The following RLN1 variants were observed in gnomAD, a reference collection of about 807,000 sequenced individuals.
The protein encoded by RLN1 is prorelaxin H1.
RLN1 carries 4 observed loss-of-function variants against 7.2 expected under a neutral mutation model. That is an observed-to-expected ratio of 0.56 (90% confidence interval 0.28 to 1.28). RLN1 has a LOEUF of 1.28. Ranked by LOEUF, RLN1 falls within the 50% of genes most tolerant of loss-of-function variation. The probability of loss-of-function intolerance (pLI) is 0.11; values close to 1 mark genes in which losing one functional copy is unlikely to be tolerated. For missense variants in RLN1, 293 were observed against 221.1 expected, an observed-to-expected ratio of 1.32 and a Z score of -2.06; for synonymous variants, 105 against 86.0, an observed-to-expected ratio of 1.22 and a Z score of -1.22.
At chr9:5,340,459 T>C (rs1816968831), upstream of RLN1, among the ~76,000 whole-genome samples, 1 of 152,170 alleles carries the variant, frequency 6.6e-6, no homozygotes, top group Non-Finnish European at 1.5e-5. Flanking sequence ...TAACTAGTTG[T>C]CTAAATATTT....
In RLN1 at chr9:5,335,413, A is replaced by C. The variant is rs1586674803; in HGVS notation, c.396T>G (p.Leu132=). The part of the protein sequence containing the change: ...SNLSFEEFKK[L]IRNRQSEAAD... ...CGGCTTCACTTTGCCTATTGCGAAT[A>C]AGTTTCTTAAATTCTTCAAAGCTAA... The change falls in exon 2 of 2, where the codon CTT becomes CTG. Residue 132 remains leucine (L), a synonymous_variant. Transcript: ENST00000223862. 1 of 1,613,730 alleles carries C rather than the reference A, an allele frequency of 6.2e-7. No individual in the cohort carries two copies. The highest frequency in any genetic ancestry group is 2.2e-5 in the East Asian group (1 of 44,862).
At chr9:5,337,713 G>C (rs949122174) in intron 1 of RLN1, among the ~76,000 whole-genome samples, 2 of 151,874 alleles carry the variant, frequency 1.3e-5, no homozygotes, top group Admixed American at 6.6e-5. Context: ...TTAATCCCAC[G>C]TGCAGGCAAT....
chr9:5,335,534 G>C lies in RLN1; in HGVS notation c.275C>G (p.Ala92Gly). ...ETIIIMLEFI[A>G]NLPPELKAAL... is the part of the protein sequence containing the mutation. The stretch of plus-strand genomic sequence containing the variant: ...TGCCTTCAGCTCCGGTGGCAAATTA[G>C]CAATGAATTCCAACATGATAATTAT... Residue 92 changes from alanine to glycine, a missense_variant, in exon 2 of 2, where the codon GCT becomes GGT. Ala to Gly is a moderately conservative substitution (Grantham distance 60). Transcript: ENST00000223862. The C allele has an allele frequency of 6.2e-7, 1 of 1,612,958 alleles. No homozygotes were observed. Among genetic ancestry groups the C allele is most frequent in the Non-Finnish European group, 8.5e-7 (1 of 1,179,322 alleles).
rs1816858130 is a variant in RLN1 at position 5,335,121 on chromosome 9, A to G, written c.*130T>C. On this transcript the variant is annotated 3_prime_UTR_variant, in exon 2 of 2. Coordinates refer to ENST00000223862, the MANE Select transcript of RLN1 (RefSeq NM_006911.4). ...ACAAAGAATATTTTCTTACACACCAAATGAAAAATCTAAACATTAATAAAG... is the reference window on the plus strand; with the variant it reads ...ACAAAGAATATTTTCTTACACACCAGATGAAAAATCTAAACATTAATAAAG... The G allele has an allele frequency of 9.0e-6, 5 of 554,868 alleles. No homozygotes were observed. The highest frequency in any genetic ancestry group is 1.5e-5 in the Non-Finnish European group (5 of 327,748). The allele number at this position is 554,868 out of a possible 1,614,324, so 34.4% of individuals were successfully genotyped here.
At position 5,334,996 on chromosome 9, in the gene RLN1, T is replaced by C. The variant is rs1816856510; in HGVS notation, c.*255A>G. ...AGTGGCAAAGGTTTTATTGTAATTT[T>C]AAGTTAACAGCATTAAAAAGAATCA... On this transcript the variant is annotated 3_prime_UTR_variant, in exon 2 of 2. Transcript: ENST00000223862. 2.9e-6 allele frequency: 1 copy of C among 347,838 alleles called. No homozygotes were observed. Among genetic ancestry groups the C allele is most frequent in the Non-Finnish European group, 5.1e-6 (1 of 195,650 alleles). 21.5% of individuals were successfully genotyped at this position (347,838 alleles called of 1,614,324 possible).
At chr9:5,336,780 AAAAG>A (rs1246808420) in intron 1 of RLN1, among the ~76,000 whole-genome samples, 3 of 151,970 alleles carry the variant, frequency 2.0e-5, no homozygotes, top group East Asian at 1.9e-4. Context: ...TGAAATAATG[AAAAG>A]AAAGAGAAGA....
Position 5,335,389 on chromosome 9 carries a change from G to T in RLN1, c.420C>A (p.Ala140=). 6.2e-7 allele frequency: 1 copy of T among 1,613,552 alleles called. No homozygotes were observed. ...TTAATTCTGAAGGATTGCTGTCTGC[G>T]GCTTCACTTTGCCTATTGCGAATAA... is the stretch of plus-strand genomic sequence containing the variant. The part of the protein sequence containing the change: ...KKLIRNRQSE[A]ADSNPSELKY... Residue 140 remains alanine (A), a synonymous_variant, in exon 2 of 2, where the codon GCC becomes GCA. Coordinates refer to ENST00000223862, the MANE Select transcript of RLN1 (RefSeq NM_006911.4).
Position 5,339,615 on chromosome 9 carries a change from A to G in RLN1, c.132T>C (p.Ile44=), listed in dbSNP as rs1274652006. The part of the protein sequence containing the change: ...LCGRELVRAQ[I]AICGMSTWSK... ...TCCAGGTGCTCATGCCGCAAATGGC[A>G]ATCTGCGCGCGAACTAATTCGCGGC... The change falls in exon 1 of 2, where the codon ATT becomes ATC. Residue 44 remains isoleucine (I), a synonymous_variant. Transcript: ENST00000223862. 2 of 1,612,134 alleles carry G rather than the reference A, an allele frequency of 1.2e-6. No individual in the cohort carries two copies. The highest frequency in any genetic ancestry group is 8.5e-7 in the Non-Finnish European group (1 of 1,179,942).
chr9:5,336,884 C>G (rs1395535969), intron 1 of RLN1, among the ~76,000 whole-genome samples: 2 of 151,920 alleles, frequency 1.3e-5, no homozygotes. Flanking sequence ...ACCTAGACAG[C>G]GGTAGTTCTG....
rs376123445 is a variant in RLN1, at chr9:5,335,729, A to T, written c.212-132T>A. On this transcript the variant is annotated intron_variant, in intron 1 of 1. Transcript: ENST00000223862. The stretch of plus-strand genomic sequence containing the variant: ...ATATAAATTAAACATTGAAACACAA[A>T]AGCATCCTAATATCTAAACACTTAG... 25 of 628,472 alleles carry T rather than the reference A, an allele frequency of 4.0e-5. No homozygotes were observed. In the East Asian group the frequency reaches 4.7e-4, roughly 12 times the overall value. 38.9% of individuals were successfully genotyped at this position (628,472 alleles called of 1,614,324 possible). A position where few individuals can be genotyped will look rare whatever the true frequency, so the allele number is the denominator to read the frequency against.
At position 5,334,939 on chromosome 9, in the gene RLN1, T is replaced by C. The variant is rs2131028618; in HGVS notation, c.*312A>G. Reference sequence around the variant, plus strand: ...TTTGGTCCACCTCATGTAACTGTTGTTAGGTACTGTATTGTTATTATGTAT... The same window carrying C: ...TTTGGTCCACCTCATGTAACTGTTGCTAGGTACTGTATTGTTATTATGTAT... On this transcript the variant is annotated 3_prime_UTR_variant, in exon 2 of 2. Coordinates refer to ENST00000223862, the MANE Select transcript of RLN1 (RefSeq NM_006911.4). The C allele has an allele frequency of 4.7e-6, 1 of 212,654 alleles. No homozygotes were observed. The highest frequency in any genetic ancestry group is 1.7e-3 in the Middle Eastern group (1 of 602). 13.2% of individuals were successfully genotyped at this position (212,654 alleles called of 1,614,324 possible).
Position 5,335,420 on chromosome 9 carries a change from T to G in RLN1, c.389A>C (p.Lys130Thr). Residue 130 changes from lysine to threonine, a missense_variant, in exon 2 of 2, where the codon AAG becomes ACG. By Grantham distance (78) the Lys-to-Thr change is moderately conservative. Transcript: ENST00000223862. ...ACTTTGCCTATTGCGAATAAGTTTC[T>G]TAAATTCTTCAAAGCTAAGATTGGA... is the stretch of plus-strand genomic sequence containing the variant. Reference protein sequence around the residue: ...KDSNLSFEEFKKLIRNRQSEA... With the variant: ...KDSNLSFEEFTKLIRNRQSEA... 1 of 1,613,752 alleles carries G rather than the reference T, an allele frequency of 6.2e-7. No individual in the cohort carries two copies. The highest frequency in any genetic ancestry group is 8.5e-7 in the Non-Finnish European group (1 of 1,179,810).
At position 5,335,408 on chromosome 9, in the gene RLN1, C is replaced by T. The variant is rs145563561; in HGVS notation, c.401G>A (p.Arg134His). Residue 134 changes from arginine (R) to histidine (H), a missense_variant, in exon 2 of 2, where the codon CGC (arginine) becomes CAC (histidine). Arg to His is a conservative substitution (Grantham distance 29). Transcript: ENST00000223862. ...GTCTGCGGCTTCACTTTGCCTATTG[C>T]GAATAAGTTTCTTAAATTCTTCAAA... is the stretch of plus-strand genomic sequence containing the variant. ...LSFEEFKKLIRNRQSEAADSN... is the reference protein window; with the variant it reads ...LSFEEFKKLIHNRQSEAADSN... 3.8e-5 allele frequency: 62 copies of T among 1,613,456 alleles called. No individual in the cohort carries two copies. The African/African-American group carries it at 5.2e-4, about 14-fold the overall frequency.
At chr9:5,339,934 C>G (rs1816958454), upstream of RLN1, 5 of 615,486 alleles carry the variant, frequency 8.1e-6, no homozygotes, top group Non-Finnish European at 1.2e-5. Flanking sequence ...CACCCCTTTC[C>G]CACACCCCTC....
intron 1 of RLN1, 131 bp from the exon 2 acceptor site, chr9:5,335,728 A>G (rs918310536): frequency 3.2e-6 from 2 of 629,106 alleles, no homozygotes; most frequent in African/African-American, 3.7e-5. Context: ...TTGAAACACA[A>G]AAGCATCCTA....
Position 5,339,582 on chromosome 9 carries a change from C to G in RLN1, c.165G>C (p.Arg55Ser), listed in dbSNP as rs753065965. 2.4e-5 allele frequency: 39 copies of G among 1,608,678 alleles called. No individual in the cohort carries two copies. Among genetic ancestry groups the G allele is most frequent in the Non-Finnish European group, 2.9e-5 (34 of 1,178,878 alleles). The change falls in exon 1 of 2, where the codon AGG (arginine) becomes AGC (serine). Residue 55 changes from arginine to serine, a missense_variant. Arg to Ser is a moderately radical substitution (Grantham distance 110, BLOSUM62 -1). Transcript: ENST00000223862. Reference sequence around the variant, plus strand: ...GAGGAGCATCTTCCTGGCTCAGAGACCTTTTGCTCCAGGTGCTCATGCCGC... The same window carrying G: ...GAGGAGCATCTTCCTGGCTCAGAGAGCTTTTGCTCCAGGTGCTCATGCCGC... ...AICGMSTWSK[R>S]SLSQEDAPQT...
In RLN1 at chr9:5,335,617, A is replaced by G; in HGVS notation, c.212-20T>C. ...CAATTTCTGTTAAGTTTAAAAAAAA[A>G]GTGTATGTGAAGGCGTATTCACGTC... On this transcript the variant is annotated intron_variant, in intron 1 of 1. Transcript: ENST00000223862. 6.6e-7 allele frequency: 1 copy of G among 1,526,602 alleles called. No homozygotes were observed. The highest frequency in any genetic ancestry group is 9.0e-7 in the Non-Finnish European group (1 of 1,111,354). The allele number at this position is 1,526,602 out of a possible 1,614,324, so 94.6% of individuals were successfully genotyped here. A position where few individuals can be genotyped will look rare whatever the true frequency, so the allele number is the denominator to read the frequency against.
chr9:5,339,694 T>A lies in RLN1; in HGVS notation c.53A>T (p.Gln18Leu). The A allele has an allele frequency of 6.2e-7, 1 of 1,613,276 alleles. No homozygotes were observed. The highest frequency in any genetic ancestry group is 8.5e-7 in the Non-Finnish European group (1 of 1,180,020). ...HLLEFCLLLN[Q>L]FSRAVAAKWK... ...TTTGGCCGCGACTGCTCTGGAAAAT[T>A]GGTTCAGTAGTAAACAGAATTCTAG... is the stretch of plus-strand genomic sequence containing the variant. Residue 18 changes from glutamine (Q) to leucine (L), a missense_variant, in exon 1 of 2, where the codon CAA (glutamine) becomes CTA (leucine). Coordinates refer to ENST00000223862, the MANE Select transcript of RLN1 (RefSeq NM_006911.4).
Position 5,339,625 on chromosome 9 carries a change from C to G in RLN1, c.122G>C (p.Arg41Pro). The change falls in exon 1 of 2, where the codon CGC becomes CCC. Residue 41 changes from arginine (R) to proline (P), a missense_variant. Arg to Pro is a moderately radical substitution (Grantham distance 103). Coordinates refer to ENST00000223862, the MANE Select transcript of RLN1 (RefSeq NM_006911.4). ...CATGCCGCAAATGGCAATCTGCGCG[C>G]GAACTAATTCGCGGCCGCATAATTT... ...VIKLCGRELV[R>P]AQIAICGMST... 1 of 1,612,494 alleles carries G rather than the reference C, an allele frequency of 6.2e-7. No homozygotes were observed. The highest frequency in any genetic ancestry group is 8.5e-7 in the Non-Finnish European group (1 of 1,179,986).
Sources: allele counts gnomAD v4.1 joint callset (sites outside exome capture counted in the v4.1 genomes callset), GRCh38; gene constraint gnomAD v4.1.1; transcripts MANE v1.5; gene names NCBI Gene and HGNC (gene_info 2026-07-23, HGNC 2026-07-21).